IFT88: variants seen among roughly 807,000 people sequenced by gnomAD.
IFT88 encodes the protein intraflagellar transport protein 88 homolog.
Under a neutral mutation model 119.5 loss-of-function variants are expected in IFT88, and 74 were observed. The ratio of observed to expected loss-of-function variants is 0.62; its 90% confidence interval spans 0.51 to 0.75. IFT88 has a LOEUF of 0.75. Among genes scored for constraint, IFT88 ranks in the 30% least tolerant of loss-of-function variants. The pLI is 0.00. For missense variants in IFT88, 961 were observed against 977.7 expected, an observed-to-expected ratio of 0.98 and a Z score of 0.23; for synonymous variants, 279 against 316.7, an observed-to-expected ratio of 0.88 and a Z score of 1.26.
intron 18 of IFT88, chr13:20,641,617 A>G (rs1159006999): frequency 8.2e-6 from 3 of 364,512 alleles, no homozygotes; most frequent in African/African-American, 6.2e-5. Flanking sequence ...GGTTAAAACT[A>G]TTATTTATTA....
chr13:20,671,035 C>A lies in IFT88; in HGVS notation c.2238C>A (p.Ser746Arg), dbSNP rs202072254. 1 of 1,613,034 alleles carries A rather than the reference C, an allele frequency of 6.2e-7. No individual in the cohort carries two copies. The highest frequency in any genetic ancestry group is 8.5e-7 in the Non-Finnish European group (1 of 1,179,400). Residue 746 changes from serine (S) to arginine (R), a missense_variant, in exon 24 of 26, where the codon AGC becomes AGA. Ser to Arg is a moderately radical substitution (Grantham distance 110, BLOSUM62 -1). Transcript: ENST00000351808. ...GSRGKREGSASGDSGQNYSAS... is the reference protein window; with the variant it reads ...GSRGKREGSARGDSGQNYSAS... The stretch of plus-strand genomic sequence containing the variant: ...GTGGCAAAAGAGAAGGAAGTGCTAG[C>A]GGTGGTAAGTATTTTCTCTTTCCCT...
Position 20,691,180 on chromosome 13 carries a change from C to T in IFT88, c.*5C>T. On this transcript the variant is annotated 3_prime_UTR_variant, in exon 26 of 26. Coordinates refer to ENST00000351808, the MANE Select transcript of IFT88 (RefSeq NM_006531.5). ...GATGATTTGCTTCCAGAATAATATT[C>T]ACTTTAATATTTATTAAAGGAAAGA... 1 of 1,610,090 alleles carries T rather than the reference C, an allele frequency of 6.2e-7. No individual in the cohort carries two copies. The highest frequency in any genetic ancestry group is 8.5e-7 in the Non-Finnish European group (1 of 1,177,246).
Position 20,599,555 on chromosome 13 carries a change from A to G in IFT88, c.802A>G (p.Lys268Glu). The G allele has an allele frequency of 1.4e-6, 2 of 1,435,752 alleles. No individual in the cohort carries two copies. The highest frequency in any genetic ancestry group is 1.9e-5 in the Admixed American group (1 of 52,760). 88.9% of individuals were successfully genotyped at this position (1,435,752 alleles called of 1,614,324 possible). ...MALDQVPSVNKQMRIKIMQNI... is the reference protein window; with the variant it reads ...MALDQVPSVNEQMRIKIMQNI... ...ATTAGACCAAGTTCCAAGTGTCAATAAGCAAATGAGGTAAGTTTATAACAA... is the reference window on the plus strand; with the variant it reads ...ATTAGACCAAGTTCCAAGTGTCAATGAGCAAATGAGGTAAGTTTATAACAA... Residue 268 changes from lysine to glutamate, a missense_variant, in exon 11 of 26, where the codon AAG becomes GAG. By Grantham distance (56) the Lys-to-Glu change is moderately conservative. Coordinates refer to ENST00000351808, the MANE Select transcript of IFT88 (RefSeq NM_006531.5).
intron 16 of IFT88, among the ~76,000 whole-genome samples, chr13:20,636,311 C>A (rs2049013962): frequency 6.6e-6 from 1 of 152,200 alleles, no homozygotes; most frequent in African/African-American, 2.4e-5. Flanking sequence ...TAACCTGCCA[C>A]CATCTGAGAA....
chr13:20,579,872 A>G (rs751662760), intron 2 of IFT88, among the ~76,000 whole-genome samples: 20 of 152,186 alleles, frequency 1.3e-4, no homozygotes, highest in Non-Finnish European at 1.5e-4. Context: ...GCAGTGACGA[A>G]TCCTGCCATG....
chr13:20,593,683 G>A (rs78222422), intron 7 of IFT88, among the ~76,000 whole-genome samples: 1,789 of 152,016 alleles, frequency 0.012, 35 homozygotes, highest in African/African-American at 0.041. Context: ...GCTAATAAAA[G>A]CATTTTTTAT....
At chr13:20,583,074 T>C (rs1198816394) in intron 3 of IFT88, 55 bp downstream of exon 3, 6 of 1,095,616 alleles carry the variant, frequency 5.5e-6, no homozygotes, top group Non-Finnish European at 6.9e-6. Flanking sequence ...ACATGAAATT[T>C]ACCAGATTAA....
At chr13:20,600,950 G>C (rs1308845968) in intron 11 of IFT88, among the ~76,000 whole-genome samples, 1 of 152,208 alleles carries the variant, frequency 6.6e-6, no homozygotes, top group Non-Finnish European at 1.5e-5. Context: ...ATGAAGTACT[G>C]ATACATGCTA....
intron 1 of IFT88, among the ~76,000 whole-genome samples, chr13:20,569,339 C>T (rs1021182302): frequency 4.0e-5 from 6 of 151,462 alleles, no homozygotes; most frequent in African/African-American, 7.3e-5. Context: ...TTTGGGAGGC[C>T]GAGCCGGGCG....
intron 16 of IFT88, among the ~76,000 whole-genome samples, chr13:20,635,353 A>G (rs984474478): frequency 2.0e-5 from 3 of 152,208 alleles, no homozygotes; most frequent in African/African-American, 7.2e-5. Flanking sequence ...CATGCAACAT[A>G]CCATGGAGAT....
chr13:20,567,838 C>A, intron 1 of IFT88: 1 of 1,111,662 alleles, frequency 9.0e-7, no homozygotes, highest in Non-Finnish European at 1.2e-6. Flanking sequence ...TTTACTAGTC[C>A]GATTTTCTGG....
At chr13:20,659,453 C>T (rs923343711) in intron 22 of IFT88, among the ~76,000 whole-genome samples, 3 of 151,894 alleles carry the variant, frequency 2.0e-5, no homozygotes, top group Non-Finnish European at 4.4e-5. Context: ...GTGATTGTGC[C>T]AGTGCACTCC....
At position 20,586,191 on chromosome 13, in the gene IFT88, G is replaced by A. The variant is rs938407542; in HGVS notation, c.153+3172G>A. On this transcript the variant is annotated intron_variant, in intron 3 of 25. Transcript: ENST00000351808. ...CACAGTTATCTGTAACTGGGATAGTGTGTGGGTCATTTGATCCTCTGTTGA... is the reference window on the plus strand; with the variant it reads ...CACAGTTATCTGTAACTGGGATAGTATGTGGGTCATTTGATCCTCTGTTGA... 2.6e-5 allele frequency among the ~76,000 whole-genome samples: 4 copies of A among 152,306 alleles called. 1 individual carries two copies. The highest frequency in any genetic ancestry group is 1.3e-4 in the Admixed American group (2 of 15,294).
At chr13:20,669,458 C>CT (rs2055392407) in intron 23 of IFT88, among the ~76,000 whole-genome samples, 1 of 149,284 alleles carries the variant, frequency 6.7e-6, no homozygotes, top group Non-Finnish European at 1.5e-5. Flanking sequence ...GTCCCTCTCT[C>CT]TGTCGCCCAG....
chr13:20,689,933 T>G (rs965683713), intron 24 of IFT88, among the ~76,000 whole-genome samples: 39 of 152,174 alleles, frequency 2.6e-4, no homozygotes, highest in African/African-American at 9.2e-4. Context: ...TGTAGACATA[T>G]TCAGTACACT....
chr13:20,640,382 G>A (rs147765612), intron 17 of IFT88, among the ~76,000 whole-genome samples: 4,692 of 151,438 alleles, frequency 0.031, 237 homozygotes, highest in African/African-American at 0.11. Flanking sequence ...GACCATCCTG[G>A]CTAACACAGT....
At chr13:20,688,806 A>C (rs2058209213) in intron 24 of IFT88, among the ~76,000 whole-genome samples, 1 of 152,202 alleles carries the variant, frequency 6.6e-6, no homozygotes, top group South Asian at 2.1e-4. Context: ...AGCTCATTGC[A>C]GCATTGGACT....
rs9579914 is a variant in IFT88 at position 20,648,517 on chromosome 13, C to A, written c.1949+3559C>A. 3.9e-3 allele frequency among the ~76,000 whole-genome samples: 586 copies of A among 151,870 alleles called. 4 individuals carry two copies. The highest frequency in any genetic ancestry group is 0.012 in the African/African-American group (481 of 41,404). Reference sequence around the variant, plus strand: ...AAAATAACTAAGAAATCAAATAGTACACTATAAAAAAGTATTAGGAAAATA... The same window carrying A: ...AAAATAACTAAGAAATCAAATAGTAAACTATAAAAAAGTATTAGGAAAATA... On this transcript the variant is annotated intron_variant, in intron 20 of 25. Transcript: ENST00000351808.
intron 13 of IFT88, chr13:20,608,086 T>G: frequency 2.0e-6 from 1 of 501,294 alleles, no homozygotes; most frequent in South Asian, 1.8e-5. Context: ...CAACAATATC[T>G]TAACAGACCA....
Sources: gnomAD v4.1 joint callset for allele counts (sites outside exome capture counted in the v4.1 genomes callset) on GRCh38, gnomAD v4.1.1 for gene constraint, MANE v1.5 for transcripts, NCBI Gene and HGNC (gene_info 2026-07-23, HGNC 2026-07-21) for gene names.